BCAR3: variants seen among roughly 807,000 people sequenced by gnomAD.
BCAR3 encodes the protein breast cancer anti-estrogen resistance protein 3.
BCAR3 carries 37 observed loss-of-function variants against 80.1 expected under a neutral mutation model. The ratio of observed to expected loss-of-function variants is 0.46; its 90% CI spans 0.36 to 0.61. BCAR3 has a LOEUF of 0.61. BCAR3 is among the 20% of genes least tolerant of loss of function. BCAR3 has a pLI of 0.00. For missense variants in BCAR3, 978 were observed against 1,068.2 expected (o/e 0.92, Z 1.18); for synonymous variants, 389 against 418.9 (o/e 0.93, Z 0.87).
At chr1:93,605,286 A>C (rs1674741766) in intron 3 of BCAR3, 1 of 152,248 alleles carries the variant, frequency 6.6e-6, no homozygotes, top group Non-Finnish European at 1.5e-5. Context: ...AGAGAAATGA[A>C]GGGCTTTGAT....
intron 2 of BCAR3, among the ~76,000 whole-genome samples, chr1:93,778,891 A>G (rs1353920930): frequency 1.3e-5 from 2 of 152,082 alleles, no homozygotes; most frequent in Non-Finnish European, 2.9e-5. Context: ...TTCCCTCACA[A>G]TATATAGGCT....
chr1:93,827,111 A>G (rs1654398925), intron 2 of BCAR3, among the ~76,000 whole-genome samples: 2 of 152,158 alleles, frequency 1.3e-5, no homozygotes, highest in South Asian at 4.1e-4. Flanking sequence ...AGAGGTGTTT[A>G]TTGAACAAAT....
At chr1:93,840,720 A>T (rs968702631) in intron 2 of BCAR3, among the ~76,000 whole-genome samples, 1 of 152,224 alleles carries the variant, frequency 6.6e-6, no homozygotes, top group African/African-American at 2.4e-5. Context: ...TGGAGTGTCC[A>T]CTGTGTACAT....
chr1:93,604,928 G>A (rs558461972), intron 3 of BCAR3, among the ~76,000 whole-genome samples: 1 of 152,246 alleles, frequency 6.6e-6, no homozygotes, highest in South Asian at 2.1e-4. Flanking sequence ...ACCCCAGTGA[G>A]TTTGCCCATC....
intron 2 of BCAR3, among the ~76,000 whole-genome samples, chr1:93,736,466 C>T (rs1377592305): frequency 6.6e-6 from 1 of 152,208 alleles, no homozygotes; most frequent in Non-Finnish European, 1.5e-5. Context: ...GGATTACAGG[C>T]GTGAGCCACC....
At chr1:93,576,229 G>GTA in intron 7 of BCAR3, 100 bp from the exon 8 acceptor site, 1 of 686,232 alleles carries the variant, frequency 1.5e-6, no homozygotes, top group Non-Finnish European at 2.3e-6. Flanking sequence ...ACGATGGCGT[G>GTA]GACACTTTAT....
intron 3 of BCAR3, among the ~76,000 whole-genome samples, chr1:93,689,512 CAA>C (rs1649095877): frequency 7.2e-6 from 1 of 138,862 alleles, no homozygotes; most frequent in African/African-American, 2.8e-5. Flanking sequence ...GCCTAGCAAA[CAA>C]GAGCAAAACT....
chr1:93,813,455 TTCTC>T (rs945705202), intron 2 of BCAR3, among the ~76,000 whole-genome samples: 9 of 151,836 alleles, frequency 5.9e-5, no homozygotes, highest in Non-Finnish European at 1.0e-4. Context: ...CTAGGACAGT[TTCTC>T]TCTCTCTCTC....
chr1:93,846,636 C>T (rs750751299), intron 1 of BCAR3, among the ~76,000 whole-genome samples: 1 of 151,994 alleles, frequency 6.6e-6, no homozygotes, highest in South Asian at 2.1e-4. Flanking sequence ...ACCCCGCGGC[C>T]GCGCTCGAGC....
intron 2 of BCAR3, among the ~76,000 whole-genome samples, chr1:93,815,321 G>A (rs975390054): frequency 6.6e-6 from 1 of 152,178 alleles, no homozygotes; most frequent in South Asian, 2.1e-4. Context: ...GGGGAACTAT[G>A]AGAAATAAGC....
At chr1:93,836,483 T>C (rs1431578819) in intron 2 of BCAR3, among the ~76,000 whole-genome samples, 5 of 151,956 alleles carry the variant, frequency 3.3e-5, no homozygotes, top group African/African-American at 1.2e-4. Flanking sequence ...AAATGCTCCT[T>C]CTAACAACCT....
intron 2 of BCAR3, among the ~76,000 whole-genome samples, chr1:93,654,894 T>G (rs1280362256): frequency 2.6e-5 from 4 of 152,208 alleles, no homozygotes; most frequent in African/African-American, 9.6e-5. Flanking sequence ...GGCTTTATTT[T>G]TTTCCATCAT....
intron 9 of BCAR3, among the ~76,000 whole-genome samples, chr1:93,571,268 G>A (rs1673202252): frequency 6.6e-6 from 1 of 151,874 alleles, no homozygotes; most frequent in Admixed American, 6.6e-5. Context: ...CAGCACTTCG[G>A]GAGGCTGAGG....
At chr1:93,785,732 G>A (rs1363449106) in intron 2 of BCAR3, among the ~76,000 whole-genome samples, 1 of 152,182 alleles carries the variant, frequency 6.6e-6, no homozygotes, top group East Asian at 1.9e-4. Context: ...AAAGATGGCT[G>A]CAATAACATT....
chr1:93,721,121 A>C (rs1002203088), intron 2 of BCAR3, among the ~76,000 whole-genome samples: 6 of 152,166 alleles, frequency 3.9e-5, no homozygotes, highest in Non-Finnish European at 7.4e-5. Flanking sequence ...TCAGACTGGA[A>C]GGGTGGCATC....
At chr1:93,716,069 G>C (rs1650179681) in intron 2 of BCAR3, among the ~76,000 whole-genome samples, 1 of 152,200 alleles carries the variant, frequency 6.6e-6, no homozygotes, top group South Asian at 2.1e-4. Context: ...CAGTTTGCAG[G>C]AGTGAGAGTG....
intron 2 of BCAR3, among the ~76,000 whole-genome samples, chr1:93,650,230 C>T (rs559350633): frequency 9.9e-5 from 15 of 152,174 alleles, no homozygotes; most frequent in Admixed American, 5.9e-4. Context: ...ACTAAAAATA[C>T]AAAAATTAGC....
At chr1:93,736,807 G>A (rs868046130) in intron 2 of BCAR3, among the ~76,000 whole-genome samples, 1 of 152,208 alleles carries the variant, frequency 6.6e-6, no homozygotes, top group Non-Finnish European at 1.5e-5. Flanking sequence ...GCAAAGCTAT[G>A]AAAATAAAAA....
At chr1:93,636,245 G>C (rs1675775420) in intron 3 of BCAR3, among the ~76,000 whole-genome samples, 1 of 152,142 alleles carries the variant, frequency 6.6e-6, no homozygotes, top group Non-Finnish European at 1.5e-5. Context: ...AAGCTGCAGG[G>C]CTCTGTCCCC....
Sources: allele counts gnomAD v4.1 joint callset (sites outside exome capture counted in the v4.1 genomes callset), GRCh38; gene constraint gnomAD v4.1.1; transcripts MANE v1.5; gene names NCBI Gene and HGNC (gene_info 2026-07-23, HGNC 2026-07-21).